EXOC2: variants seen among roughly 807,000 people sequenced by gnomAD.
The protein encoded by EXOC2 is SEC5-like 1.
EXOC2 carries 70 observed loss-of-function variants against 131.8 expected under a neutral mutation model. The ratio of observed to expected loss-of-function variants is 0.53; its 90% CI spans 0.44 to 0.65. The LOEUF is 0.65. Among genes scored for constraint, EXOC2 ranks in the 30% least tolerant of loss-of-function variants. The probability of loss-of-function intolerance (pLI) is 0.00; values close to 1 mark genes in which losing one functional copy is unlikely to be tolerated. For missense variants in EXOC2, 923 were observed against 1,108.6 expected (o/e 0.83, Z 2.38); for synonymous variants, 411 against 398.4 (o/e 1.03, Z -0.38).
chr6:656,415 C>G lies in EXOC2; in HGVS notation c.-43-18554G>C, dbSNP rs183178644. On this transcript the variant is annotated intron_variant, in intron 1 of 27. Transcript: ENST00000230449. ...GAGGTTTGCTTCCACCAGCACGTGACTGCCCACGTTCGCCATCCTCTCCAC... is the reference window on the plus strand; with the variant it reads ...GAGGTTTGCTTCCACCAGCACGTGAGTGCCCACGTTCGCCATCCTCTCCAC... 5.1e-4 allele frequency: 826 copies of G among 1,614,098 alleles called. 3 individuals carry two copies. The East Asian group carries it at 0.014, about 28-fold the overall frequency.
At chr6:574,901 T>A (rs1395996686) in intron 12 of EXOC2, among the ~76,000 whole-genome samples, 1 of 152,272 alleles carries the variant, frequency 6.6e-6, no homozygotes, top group African/African-American at 2.4e-5. Flanking sequence ...AATGCCTGTT[T>A]TCCAGATGGC....
At chr6:605,558 T>C (rs1760361876) in intron 7 of EXOC2, among the ~76,000 whole-genome samples, 1 of 152,184 alleles carries the variant, frequency 6.6e-6, no homozygotes, top group African/African-American at 2.4e-5. Flanking sequence ...ATCCCCTTTA[T>C]CATTTTTTAT....
At chr6:692,508 T>C (rs12661989) in intron 1 of EXOC2, among the ~76,000 whole-genome samples, 65 of 152,284 alleles carry the variant, frequency 4.3e-4, no homozygotes, top group Admixed American at 6.5e-4. Context: ...GCAGCGTACA[T>C]ACACCCGCGC....
intron 23 of EXOC2, among the ~76,000 whole-genome samples, chr6:522,964 C>T (rs567126191): frequency 5.3e-5 from 8 of 152,112 alleles, no homozygotes; most frequent in South Asian, 4.1e-4. Context: ...AAAGGCCAGG[C>T]GCCATGAAAT....
At chr6:627,134 C>G (rs188947855) in intron 4 of EXOC2, among the ~76,000 whole-genome samples, 37 of 151,586 alleles carry the variant, frequency 2.4e-4, no homozygotes, top group African/African-American at 8.2e-4. Flanking sequence ...AAACCCACAT[C>G]AACATTCTAC....
At chr6:616,315 T>A (rs1251646065) in intron 6 of EXOC2, among the ~76,000 whole-genome samples, 1 of 152,112 alleles carries the variant, frequency 6.6e-6, no homozygotes, top group African/African-American at 2.4e-5. Context: ...TTCAAAAACC[T>A]AACTTCTGCC....
At chr6:624,844 A>G (rs375161464) in intron 4 of EXOC2, among the ~76,000 whole-genome samples, 2 of 152,230 alleles carry the variant, frequency 1.3e-5, no homozygotes, top group African/African-American at 4.8e-5. Context: ...TGTTCAGAAT[A>G]ACTGGATTTC....
chr6:681,777 T>G (rs919567283), intron 1 of EXOC2, among the ~76,000 whole-genome samples: 5 of 152,252 alleles, frequency 3.3e-5, no homozygotes, highest in African/African-American at 1.2e-4. Flanking sequence ...AGAAATGCAC[T>G]TGGAAATAGG....
At chr6:536,524 G>T (rs1280482898) in intron 22 of EXOC2, among the ~76,000 whole-genome samples, 2 of 151,930 alleles carry the variant, frequency 1.3e-5, no homozygotes, top group Non-Finnish European at 2.9e-5. Context: ...CCCCTAAAAG[G>T]CCTTTTCTTG....
chr6:541,093 A>C (rs1215632090), intron 22 of EXOC2, among the ~76,000 whole-genome samples: 1 of 152,198 alleles, frequency 6.6e-6, no homozygotes, highest in Non-Finnish European at 1.5e-5. Context: ...TGAGCTTACA[A>C]AGCAAGCCTC....
At chr6:584,815 T>C (rs1759110244) in intron 11 of EXOC2, among the ~76,000 whole-genome samples, 1 of 152,272 alleles carries the variant, frequency 6.6e-6, no homozygotes, top group Admixed American at 6.5e-5. Context: ...AGTGCATCTC[T>C]GAAAGAAGGT....
At chr6:647,921 T>C (rs762862222) in intron 1 of EXOC2, among the ~76,000 whole-genome samples, 14 of 152,058 alleles carry the variant, frequency 9.2e-5, no homozygotes, top group Admixed American at 3.3e-4. Context: ...TTCTTATTTA[T>C]GACTGAAGAG....
intron 1 of EXOC2, among the ~76,000 whole-genome samples, chr6:658,667 T>TA (rs1561983437): frequency 0.026 from 1,722 of 65,022 alleles, 37 homozygotes; most frequent in African/African-American, 0.064. Flanking sequence ...ATATATATAT[T>TA]TTTTTTTTTT....
chr6:666,534 CT>C (rs1191682211), intron 1 of EXOC2, among the ~76,000 whole-genome samples: 1 of 96,644 alleles, frequency 1.0e-5, no homozygotes, highest in South Asian at 3.3e-4. Context: ...CACTTTACAA[CT>C]TTTTTTTCTG....
intron 23 of EXOC2, among the ~76,000 whole-genome samples, chr6:515,856 C>T (rs1288707670): frequency 1.3e-5 from 2 of 152,164 alleles, no homozygotes; most frequent in East Asian, 3.9e-4. Flanking sequence ...CAAGTGGCTT[C>T]CGGGGGTTTC....
intron 7 of EXOC2, among the ~76,000 whole-genome samples, chr6:604,692 T>G (rs1305262646): frequency 6.6e-6 from 1 of 151,336 alleles, no homozygotes; most frequent in Non-Finnish European, 1.5e-5. Flanking sequence ...GCGGCCTATC[T>G]CCTCTCTGAA....
At chr6:578,711 T>C (rs1234758017) in intron 11 of EXOC2, among the ~76,000 whole-genome samples, 3 of 152,354 alleles carry the variant, frequency 2.0e-5, no homozygotes, top group Non-Finnish European at 2.9e-5. Context: ...ATTTGTATTT[T>C]TGAAAATATT....
intron 1 of EXOC2, among the ~76,000 whole-genome samples, chr6:662,135 G>A (rs1344324034): frequency 6.6e-6 from 1 of 152,074 alleles, no homozygotes. Context: ...ACTAAAACTG[G>A]AGCTCCCAAA....
At chr6:557,617 CAAAA>C (rs59474432) in intron 17 of EXOC2, among the ~76,000 whole-genome samples, 3 of 111,192 alleles carry the variant, frequency 2.7e-5, no homozygotes, top group Non-Finnish European at 3.4e-5. Context: ...GACTTCATCT[CAAAA>C]AAAAAAAAAA....
Sources: gnomAD v4.1 joint callset for allele counts (sites outside exome capture counted in the v4.1 genomes callset) on GRCh38, gnomAD v4.1.1 for gene constraint, MANE v1.5 for transcripts, NCBI Gene and HGNC (gene_info 2026-07-23, HGNC 2026-07-21) for gene names.